The following KCNK13 variants were observed in gnomAD, a reference collection of about 807,000 sequenced individuals.
KCNK13 encodes potassium two pore domain channel subfamily K member 13, also known as potassium channel subfamily K member 13.
A neutral mutation model predicts 23.4 loss-of-function variants in KCNK13; 12 were observed. The ratio of observed to expected loss-of-function variants is 0.51; its 90% CI spans 0.33 to 0.83. KCNK13 has a LOEUF of 0.83. Among genes scored for constraint, KCNK13 ranks in the 40% least tolerant of loss-of-function variants. The pLI, the probability that KCNK13 is intolerant of heterozygous loss-of-function variation, is 0.02. For missense variants in KCNK13, 463 were observed against 556.3 expected, an observed-to-expected ratio of 0.83 and a Z score of 1.69; for synonymous variants, 231 against 229.5, an observed-to-expected ratio of 1.01 and a Z score of -0.06.
Position 90,184,729 on chromosome 14 carries a change from G to T in KCNK13, c.953G>T (p.Ser318Ile), listed in dbSNP as rs1242420854. 1.9e-6 allele frequency: 3 copies of T among 1,614,074 alleles called. No homozygotes were observed. Among genetic ancestry groups the T allele is most frequent in the Non-Finnish European group, 2.5e-6 (3 of 1,180,050 alleles). ...CGCAGGAACGTGGTGATGCCAGGCA[G>T]CGTCCGGAACCGCTGCAACATCTCC... ...RSRRNVVMPG[S>I]VRNRCNISIE... is the part of the protein sequence containing the mutation. The change falls in exon 2 of 2, where the codon AGC becomes ATC. Residue 318 changes from serine to isoleucine, a missense_variant. Coordinates refer to ENST00000282146, the MANE Select transcript of KCNK13 (RefSeq NM_022054.4). The surrounding 1 kb of genome is among the most constrained non-coding windows in gnomAD (Gnocchi z 5.6).
At chr14:90,178,647 C>CTCA (rs1890451487) in intron 1 of KCNK13, among the ~76,000 whole-genome samples, 1 of 152,058 alleles carries the variant, frequency 6.6e-6, no homozygotes, top group Non-Finnish European at 1.5e-5. Context: ...TACACCTACT[C>CTCA]TGTACCCATA....
At chr14:90,146,418 C>T (rs111609716) in intron 1 of KCNK13, among the ~76,000 whole-genome samples, 9,870 of 152,046 alleles carry the variant, frequency 0.065, 414 homozygotes, top group South Asian at 0.21. Flanking sequence ...TGGGTTCAAG[C>T]GATTCTCCTG....
chr14:90,080,441 G>A (rs765522444), intron 1 of KCNK13, among the ~76,000 whole-genome samples: 1 of 152,036 alleles, frequency 6.6e-6, no homozygotes, highest in Non-Finnish European at 1.5e-5. Flanking sequence ...GGGTGACAGG[G>A]TGAGACTCCA....
intron 1 of KCNK13, among the ~76,000 whole-genome samples, chr14:90,162,594 TAGTG>T (rs1434258156): frequency 6.6e-6 from 1 of 152,168 alleles, no homozygotes; most frequent in African/African-American, 2.4e-5. Context: ...CAATTTAAAA[TAGTG>T]ATAAGAAAAA....
At chr14:90,158,493 G>C (rs1317323971) in intron 1 of KCNK13, among the ~76,000 whole-genome samples, 1 of 152,232 alleles carries the variant, frequency 6.6e-6, no homozygotes, top group Non-Finnish European at 1.5e-5. Flanking sequence ...CAAGCACTGG[G>C]GACCAGAAGG....
At chr14:90,094,849 G>A (rs1409621051) in intron 1 of KCNK13, among the ~76,000 whole-genome samples, 1 of 151,722 alleles carries the variant, frequency 6.6e-6, no homozygotes, top group Non-Finnish European at 1.5e-5. Context: ...GGGTTTCACC[G>A]TGTCAGCCAG....
chr14:90,082,786 A>G (rs1478399055), intron 1 of KCNK13, among the ~76,000 whole-genome samples: 4 of 152,190 alleles, frequency 2.6e-5, no homozygotes, highest in South Asian at 2.1e-4. Context: ...CTGTGTGGAC[A>G]TATGTTTTCA....
chr14:90,067,012 T>A (rs917273526), intron 1 of KCNK13, among the ~76,000 whole-genome samples: 1 of 152,204 alleles, frequency 6.6e-6, no homozygotes, highest in South Asian at 2.1e-4. Context: ...GGCTCATGCC[T>A]GTAATCCCAA....
At chr14:90,111,604 A>T (rs1485434716) in intron 1 of KCNK13, among the ~76,000 whole-genome samples, 1 of 152,068 alleles carries the variant, frequency 6.6e-6, no homozygotes, top group African/African-American at 2.4e-5. Flanking sequence ...AAGCAGAAAG[A>T]TGTTGACCTG....
intron 1 of KCNK13, among the ~76,000 whole-genome samples, chr14:90,174,181 G>A (rs1890396679): frequency 1.3e-5 from 2 of 152,188 alleles, no homozygotes; most frequent in Non-Finnish European, 2.9e-5. Context: ...GTGGTGGTGG[G>A]CACCTGTAGT....
chr14:90,089,256 G>C (rs890362043), intron 1 of KCNK13, among the ~76,000 whole-genome samples: 2 of 152,194 alleles, frequency 1.3e-5, no homozygotes, highest in African/African-American at 4.8e-5. Flanking sequence ...GAACGATAAG[G>C]TTCAGGCTGA....
chr14:90,144,934 G>A (rs1023568197), intron 1 of KCNK13, among the ~76,000 whole-genome samples: 1 of 152,040 alleles, frequency 6.6e-6, no homozygotes, highest in Non-Finnish European at 1.5e-5. Flanking sequence ...TAGCGGTAGG[G>A]TTTTTGTATT....
At chr14:90,166,570 G>A (rs1260207690) in intron 1 of KCNK13, among the ~76,000 whole-genome samples, 4 of 152,140 alleles carry the variant, frequency 2.6e-5, no homozygotes, top group African/African-American at 9.7e-5. Context: ...GCCAGACGTG[G>A]TGGCAGGCAC....
At chr14:90,125,190 C>G (rs1197917672) in intron 1 of KCNK13, among the ~76,000 whole-genome samples, 1 of 151,722 alleles carries the variant, frequency 6.6e-6, no homozygotes, top group Admixed American at 6.6e-5. Context: ...AGTTCTTATC[C>G]TTCCCCATCC....
intron 1 of KCNK13, among the ~76,000 whole-genome samples, chr14:90,148,682 A>G (rs753855651): frequency 6.6e-6 from 1 of 152,224 alleles, no homozygotes; most frequent in Non-Finnish European, 1.5e-5. Context: ...GAAAGTTCAG[A>G]TTCTGGCAGT....
intron 1 of KCNK13, among the ~76,000 whole-genome samples, chr14:90,073,534 T>C (rs1889100957): frequency 6.6e-6 from 1 of 152,240 alleles, no homozygotes; most frequent in Non-Finnish European, 1.5e-5. Context: ...CTGATGAAGA[T>C]CACAAGGCAT....
chr14:90,088,973 G>T (rs977645562), intron 1 of KCNK13, among the ~76,000 whole-genome samples: 9 of 152,222 alleles, frequency 5.9e-5, no homozygotes, highest in Non-Finnish European at 2.9e-5. Flanking sequence ...CCCCAGCCAT[G>T]TGGAACGTAA....
intron 1 of KCNK13, among the ~76,000 whole-genome samples, chr14:90,175,004 T>C (rs1026532434): frequency 1.3e-5 from 2 of 152,218 alleles, no homozygotes; most frequent in Non-Finnish European, 2.9e-5. Context: ...CAGAGTTCAG[T>C]CCTCAGCTCC....
chr14:90,068,188 C>A (rs556363260), intron 1 of KCNK13, among the ~76,000 whole-genome samples: 1 of 152,278 alleles, frequency 6.6e-6, no homozygotes, highest in South Asian at 2.1e-4. Flanking sequence ...ACTCCCACAT[C>A]CTTGGCCAAA....
Sources: allele counts gnomAD v4.1 joint callset (sites outside exome capture counted in the v4.1 genomes callset), GRCh38; gene constraint gnomAD v4.1.1; non-coding constraint Gnocchi (gnomAD v3.1); transcripts MANE v1.5; gene names NCBI Gene and HGNC (gene_info 2026-07-23, HGNC 2026-07-21).